The following YWHAZ variants were observed in gnomAD, a reference collection of about 807,000 sequenced individuals.
YWHAZ encodes 14-3-3 protein zeta/delta.
For synonymous variants in YWHAZ, 87 were observed against 103.6 expected, an observed-to-expected ratio of 0.84 and a Z score of 0.97; for missense variants, 79 against 284.8, an observed-to-expected ratio of 0.28 and a Z score of 5.20.
In YWHAZ at chr8:100,924,851, T is replaced by G; in HGVS notation, c.418+65A>C. 1.2e-6 allele frequency: 2 copies of G among 1,600,604 alleles called. No individual in the cohort carries two copies. The highest frequency in any genetic ancestry group is 4.5e-5 in the East Asian group (2 of 44,722). On this transcript the variant is annotated intron_variant, in intron 3 of 5. Coordinates refer to ENST00000395958, the MANE Select transcript of YWHAZ (RefSeq NM_145690.3). The surrounding 1 kb of genome is among the most constrained non-coding windows in gnomAD (Gnocchi z 5.7). ...TTCAAAACAAGACATTATGTACGCT[T>G]CAGAGACTCTTCCTCACTATGTTAT...
chr8:100,923,867 GATGT>G (rs1318806901), intron 5 of YWHAZ, 84 bp downstream of exon 5: 13 of 1,046,874 alleles, frequency 1.2e-5, no homozygotes, highest in Middle Eastern at 3.3e-4. Context: ...AATTTTAAAA[GATGT>G]ATTTAATAAA....
chr8:100,925,587 A>G (rs1400917941), intron 2 of YWHAZ, among the ~76,000 whole-genome samples: 1 of 152,214 alleles, frequency 6.6e-6, no homozygotes, highest in Admixed American at 6.5e-5. Flanking sequence ...ACCGTTCAAA[A>G]GTTTTATTTT....
intron 2 of YWHAZ, among the ~76,000 whole-genome samples, chr8:100,942,848 GA>G (rs1809974450): frequency 6.6e-6 from 1 of 152,164 alleles, no homozygotes; most frequent in Non-Finnish European, 1.5e-5. Flanking sequence ...GGAAAAATAA[GA>G]GTAACAAGTC....
chr8:100,953,265 T>C, upstream of YWHAZ: 1 of 985,498 alleles, frequency 1.0e-6, no homozygotes, highest in Non-Finnish European at 1.2e-6. Context: ...ATGACGATCA[T>C]TACCTTTTTA....
intron 2 of YWHAZ, among the ~76,000 whole-genome samples, chr8:100,941,072 A>G (rs1179944548): frequency 1.3e-5 from 2 of 152,242 alleles, no homozygotes; most frequent in Non-Finnish European, 2.9e-5. Flanking sequence ...CTTATTTCTA[A>G]ACATCTTCCT....
upstream of YWHAZ, chr8:100,952,038 A>T (rs890208417): frequency 1.0e-6 from 1 of 992,702 alleles, no homozygotes; most frequent in Non-Finnish European, 1.2e-6. Flanking sequence ...CTCGCTGCTC[A>T]CAGGCTACAG....
chr8:100,953,234 C>T (rs2130404780), upstream of YWHAZ: 1 of 985,310 alleles, frequency 1.0e-6, no homozygotes, highest in Non-Finnish European at 1.2e-6. Flanking sequence ...AAAGCTTTCA[C>T]GTGAAGACCT....
chr8:100,921,297 G>A (rs1342347428), intron 5 of YWHAZ, among the ~76,000 whole-genome samples: 1 of 152,164 alleles, frequency 6.6e-6, no homozygotes, highest in Non-Finnish European at 1.5e-5. Flanking sequence ...CCAAAGTGGT[G>A]AGATTACAGG....
Position 100,924,983 on chromosome 8 carries a change from G to A in YWHAZ, c.351C>T (p.Phe117=). Residue 117 remains phenylalanine, a synonymous_variant, in exon 3 of 6, where the codon TTC becomes TTT. Transcript: ENST00000395958. The surrounding 1 kb of genome is among the most constrained non-coding windows in gnomAD (Gnocchi z 5.7). ...AGTAATCTCCTTTCATTTTCAAATA[G>A]AAGACTTTGCTCTCTGCTTGTGAAG... is the stretch of plus-strand genomic sequence containing the variant. The part of the protein sequence containing the change: ...PNASQAESKV[F]YLKMKGDYYR... 1 of 1,613,918 alleles carries A rather than the reference G, an allele frequency of 6.2e-7. No homozygotes were observed. The highest frequency in any genetic ancestry group is 8.5e-7 in the Non-Finnish European group (1 of 1,179,970).
Position 100,948,533 on chromosome 8 carries a change from T to A in YWHAZ, c.294+63A>T. On this transcript the variant is annotated intron_variant, in intron 2 of 5. Transcript: ENST00000395958. The surrounding 1 kb of genome is among the most constrained non-coding windows in gnomAD (Gnocchi z 4.2). ...GAAAAACCAAACAAAAAGTTAAGAG[T>A]AATGTAACTGATACTCATAGGGACC... is the stretch of plus-strand genomic sequence containing the variant. 3 of 1,507,050 alleles carry A rather than the reference T, an allele frequency of 2.0e-6. No individual in the cohort carries two copies. Among genetic ancestry groups the A allele is most frequent in the South Asian group, 1.3e-5 (1 of 77,668 alleles). The allele number at this position is 1,507,050 out of a possible 1,614,324, so 93.4% of individuals were successfully genotyped here.
intron 2 of YWHAZ, among the ~76,000 whole-genome samples, chr8:100,937,883 C>A (rs1321479957): frequency 6.6e-6 from 1 of 152,228 alleles, no homozygotes; most frequent in East Asian, 1.9e-4. Flanking sequence ...GTAATCCCAG[C>A]ACTTTGGGAG....
chr8:100,922,389 CTT>C lies in YWHAZ; in HGVS notation c.678+1564_678+1565del, dbSNP rs5893539. ...AATCAAAACCCTGGTTTTTTCTTTT[CTT>C]TTTTTTTTTTTTTGAGACAGAGTCT... is the stretch of plus-strand genomic sequence containing the variant. On this transcript the variant is annotated intron_variant, in intron 5 of 5. Transcript: ENST00000395958. The surrounding 1 kb of genome is among the most constrained non-coding windows in gnomAD (Gnocchi z 4.1). 503 of 131,104 alleles carry C rather than the reference CTT, an allele frequency of 3.8e-3. 3 individuals are homozygous for C. The highest frequency in any genetic ancestry group is 8.0e-3 in the African/African-American group (286 of 35,850). The allele number at this position is 131,104 out of a possible 1,614,324, so 8.1% of individuals were successfully genotyped here. A position where few individuals can be genotyped will look rare whatever the true frequency, so the allele number is the denominator to read the frequency against.
At chr8:100,952,875 A>G (rs942377743), upstream of YWHAZ, 2 of 1,000,306 alleles carry the variant, frequency 2.0e-6, no homozygotes, top group Admixed American at 1.2e-4. Context: ...AAGCGGTCCT[A>G]GACCTTTTAT....
intron 2 of YWHAZ, among the ~76,000 whole-genome samples, chr8:100,943,729 G>A (rs1480926737): frequency 6.6e-6 from 1 of 152,138 alleles, no homozygotes; most frequent in Non-Finnish European, 1.5e-5. Context: ...GCTCACGCCT[G>A]TAATCCCAGC....
chr8:100,951,302 GGGTCCCCGA>G lies in YWHAZ; in HGVS notation c.-12+618_-12+626del, dbSNP rs891182690. On this transcript the variant is annotated intron_variant, in intron 1 of 5. Transcript: ENST00000395958. ...TCGGCCAGGCCTTTCCCTCGCGCTT[GGGTCCCCGA>G]GGCCCCCGGCCCCTCCCCGCCGCGC... 1.8e-5 allele frequency: 18 copies of G among 984,516 alleles called. No individual in the cohort carries two copies. In the African/African-American group the frequency reaches 3.1e-4, roughly 17 times the overall value. 61.0% of individuals were successfully genotyped at this position (984,516 alleles called of 1,614,324 possible).
chr8:100,951,403 A>AGGGGGAGGGAAAGGAGGGGGCGGCC, intron 1 of YWHAZ: 1 of 962,098 alleles, frequency 1.0e-6, no homozygotes, highest in Non-Finnish European at 1.2e-6. Flanking sequence ...AGGCTGCGCG[A>AGGGGGAGGGAAAGGAGGGGGCGGCC]GGGGGAGGGA....
intron 2 of YWHAZ, among the ~76,000 whole-genome samples, chr8:100,929,802 G>A (rs1813635225): frequency 6.6e-6 from 1 of 151,810 alleles, no homozygotes; most frequent in Non-Finnish European, 1.5e-5. Flanking sequence ...ACCCAATGTA[G>A]GAAGAATAGA....
At chr8:100,945,935 T>G (rs1201603305) in intron 2 of YWHAZ, among the ~76,000 whole-genome samples, 1 of 152,142 alleles carries the variant, frequency 6.6e-6, no homozygotes, top group Non-Finnish European at 1.5e-5. Context: ...GATCACTAAG[T>G]CTTACTCCTG....
Position 100,950,670 on chromosome 8 carries a change from GA to G in YWHAZ, c.-12+1258del, listed in dbSNP as rs1554618266. On this transcript the variant is annotated intron_variant, in intron 1 of 5. Transcript: ENST00000395958. ...CCGCCCAAGCCGTGGGGGGGGGGGA[GA>G]GATGGGGAGCGAAGCCGCCCGACCC... is the stretch of plus-strand genomic sequence containing the variant. 611 of 888,214 alleles carry G rather than the reference GA, an allele frequency of 6.9e-4. 8 individuals are homozygous for G. Among genetic ancestry groups the G allele is most frequent in the African/African-American group, 6.8e-3 (331 of 48,514 alleles). 55.0% of individuals were successfully genotyped at this position (888,214 alleles called of 1,614,324 possible). A position where few individuals can be genotyped will look rare whatever the true frequency, so the allele number is the denominator to read the frequency against.
Sources: gnomAD v4.1 joint callset for allele counts (sites outside exome capture counted in the v4.1 genomes callset) on GRCh38, gnomAD v4.1.1 for gene constraint, Gnocchi (gnomAD v3.1) non-coding constraint, MANE v1.5 for transcripts, NCBI Gene and HGNC (gene_info 2026-07-23, HGNC 2026-07-21) for gene names.